KIAA1549: variants seen among roughly 807,000 people sequenced by gnomAD.
KIAA1549 encodes the protein KIAA1549, also known as UPF0606 protein KIAA1549.
In KIAA1549, 70 loss-of-function variants were observed where a neutral mutation model predicts 156.4. The observed-to-expected ratio is 0.45, with a 90% CI of 0.37 to 0.55. KIAA1549 has a LOEUF of 0.55. Among genes scored for constraint, KIAA1549 ranks in the 20% least tolerant of loss-of-function variants. KIAA1549 has a pLI of 0.00. For missense variants in KIAA1549, 2,428 were observed against 2,540.9 expected (o/e 0.96, Z 0.96); for synonymous variants, 1,103 against 1,066.4 (o/e 1.03, Z -0.67).
At chr7:138,861,013 C>CGGGTG in intron 16 of KIAA1549, 126 bp downstream of exon 16, 1 of 853,214 alleles carries the variant, frequency 1.2e-6, no homozygotes, top group Non-Finnish European at 1.9e-6. Flanking sequence ...AACTAAGACC[C>CGGGTG]ATCACCCGAG....
intron 16 of KIAA1549, 27 bp downstream of exon 16, chr7:138,861,112 A>T: frequency 6.2e-7 from 1 of 1,607,830 alleles, no homozygotes; most frequent in Admixed American, 1.7e-5. Context: ...CTTGCCCATC[A>T]GAGAATTCTA....
intron 1 of KIAA1549, among the ~76,000 whole-genome samples, chr7:138,928,669 G>C (rs1812788878): frequency 6.6e-6 from 1 of 152,160 alleles, no homozygotes; most frequent in African/African-American, 2.4e-5. Flanking sequence ...TCACAATAAA[G>C]CAAGTCACAC....
chr7:138,915,008 G>A (rs1217779244), intron 2 of KIAA1549, among the ~76,000 whole-genome samples: 1 of 152,172 alleles, frequency 6.6e-6, no homozygotes, highest in African/African-American at 2.4e-5. Context: ...ATGAGCATGA[G>A]AAACTCTTTT....
intron 10 of KIAA1549, 22 bp downstream of exon 10, chr7:138,894,320 G>C: frequency 6.2e-7 from 1 of 1,612,530 alleles, no homozygotes; most frequent in Non-Finnish European, 8.5e-7. Context: ...TAGGAACACT[G>C]GGGGAAGAGG....
At chr7:138,886,910 AT>A (rs1381928460) in intron 10 of KIAA1549, among the ~76,000 whole-genome samples, 2 of 151,088 alleles carry the variant, frequency 1.3e-5, no homozygotes, top group Non-Finnish European at 3.0e-5. Flanking sequence ...ATTTATTATG[AT>A]TTTTTTTTGA....
chr7:138,871,287 C>T lies in KIAA1549; in HGVS notation c.4421G>A (p.Arg1474His), dbSNP rs749561002. The change falls in exon 13 of 20, where the codon CGC becomes CAC. Residue 1474 changes from arginine (R) to histidine (H), a missense_variant. Arg to His is a conservative substitution (Grantham distance 29). Coordinates refer to ENST00000422774, the MANE Select transcript of KIAA1549 (RefSeq NM_001164665.2). The stretch of plus-strand genomic sequence containing the variant: ...GACCCGCCGGCTAGCCTCCGGGGGG[C>T]GGGAGATCCTGTCCACGTGCTCGAA... ...SIFEHVDRIS[R>H]PPEASRRVPS... 20 of 1,609,102 alleles carry T rather than the reference C, an allele frequency of 1.2e-5. No homozygotes were observed. The highest frequency in any genetic ancestry group is 1.7e-4 in the Middle Eastern group (1 of 6,058).
chr7:138,895,221 T>C (rs774561740), intron 9 of KIAA1549, among the ~76,000 whole-genome samples: 1 of 152,240 alleles, frequency 6.6e-6, no homozygotes, highest in Non-Finnish European at 1.5e-5. Context: ...TAATTTCATA[T>C]TGCACTAGTG....
chr7:138,936,725 A>ACCCCCCCCCCCCC (rs139640080), intron 1 of KIAA1549, among the ~76,000 whole-genome samples: 1 of 135,868 alleles, frequency 7.4e-6, no homozygotes, highest in African/African-American at 2.7e-5. Flanking sequence ...GAGATGTGTG[A>ACCCCCCCCCCCCC]CCCCCCCCAC....
intron 1 of KIAA1549, among the ~76,000 whole-genome samples, chr7:138,941,744 A>G (rs1813189590): frequency 6.6e-6 from 1 of 152,094 alleles, no homozygotes; most frequent in Admixed American, 6.6e-5. Flanking sequence ...GAGCACTTCC[A>G]CTCAGGAGAG....
intron 7 of KIAA1549, 58 bp downstream of exon 7, chr7:138,904,964 C>G: frequency 9.5e-7 from 1 of 1,049,074 alleles, no homozygotes; most frequent in Non-Finnish European, 1.4e-6. Context: ...ATTCTCAATA[C>G]GCCTGCATAG....
chr7:138,867,976 G>A lies in KIAA1549; in HGVS notation c.4928C>T (p.Pro1643Leu). The A allele has an allele frequency of 6.2e-7, 1 of 1,613,472 alleles. No homozygotes were observed. The highest frequency in any genetic ancestry group is 8.5e-7 in the Non-Finnish European group (1 of 1,179,526). Reference sequence around the variant, plus strand: ...GAAACTGGAGTCGGTGGCACGCACTGGGCATCCGATGTAGGCTGAGTTGTG... The same window carrying A: ...GAAACTGGAGTCGGTGGCACGCACTAGGCATCCGATGTAGGCTGAGTTGTG... ...GVHNSAYIGC[P>L]SDPDLPADVQ... is the part of the protein sequence containing the mutation. Residue 1643 changes from proline to leucine, a missense_variant and splice_region_variant, in exon 15 of 20, where the codon CCA becomes CTA. By Grantham distance (98) the Pro-to-Leu change is moderately conservative. Coordinates refer to ENST00000422774, the MANE Select transcript of KIAA1549 (RefSeq NM_001164665.2).
At chr7:138,924,161 T>C (rs1017980390) in intron 1 of KIAA1549, among the ~76,000 whole-genome samples, 7 of 151,190 alleles carry the variant, frequency 4.6e-5, no homozygotes, top group East Asian at 1.9e-4. Flanking sequence ...CACAGTAAAA[T>C]AGCAGCTGTT....
At chr7:138,943,824 G>C (rs1813263269) in intron 1 of KIAA1549, among the ~76,000 whole-genome samples, 1 of 151,760 alleles carries the variant, frequency 6.6e-6, no homozygotes, top group Non-Finnish European at 1.5e-5. Context: ...ACTCCAGCCT[G>C]GGCGACAGAG....
intron 1 of KIAA1549, among the ~76,000 whole-genome samples, chr7:138,934,856 G>A (rs1006283427): frequency 6.6e-6 from 1 of 152,176 alleles, no homozygotes; most frequent in Non-Finnish European, 1.5e-5. Context: ...TACCGGCAGT[G>A]GGCAGCTTCA....
intron 13 of KIAA1549, among the ~76,000 whole-genome samples, chr7:138,870,911 G>A (rs187185499): frequency 8.5e-5 from 13 of 152,190 alleles, no homozygotes; most frequent in South Asian, 2.1e-4. Flanking sequence ...TCCCCCTCCC[G>A]GGTTCAAGTG....
chr7:138,837,843 A>C lies in KIAA1549; in HGVS notation c.*63T>G. ...CCTCTTCCAAACACCCACTCAGTTGATTTCCTTTTGGTCTTGCTTCCACAG... is the reference window on the plus strand; with the variant it reads ...CCTCTTCCAAACACCCACTCAGTTGCTTTCCTTTTGGTCTTGCTTCCACAG... On this transcript the variant is annotated 3_prime_UTR_variant, in exon 20 of 20. Transcript: ENST00000422774. 6.4e-7 allele frequency: 1 copy of C among 1,557,558 alleles called. No homozygotes were observed. The highest frequency in any genetic ancestry group is 1.4e-5 in the African/African-American group (1 of 73,930).
intron 17 of KIAA1549, among the ~76,000 whole-genome samples, chr7:138,850,152 A>G (rs1467231626): frequency 6.6e-6 from 1 of 152,200 alleles, no homozygotes; most frequent in Non-Finnish European, 1.5e-5. Context: ...ATTTAAATAT[A>G]CTAATCAAAA....
Sources: gnomAD v4.1 joint callset for allele counts (sites outside exome capture counted in the v4.1 genomes callset) on GRCh38, gnomAD v4.1.1 for gene constraint, MANE v1.5 for transcripts, NCBI Gene and HGNC (gene_info 2026-07-23, HGNC 2026-07-21) for gene names.